Variants in DTNA observed in about 807,000 individuals in gnomAD.
DTNA encodes the protein dystrobrevin alpha.
A neutral mutation model predicts 100.7 loss-of-function variants in DTNA; 43 were observed. That is an observed-to-expected ratio of 0.43 (90% CI 0.33 to 0.55). The LOEUF is 0.55. Ranked by LOEUF, DTNA falls within the 20% of genes least tolerant of loss-of-function variation. The pLI is 0.04. For missense variants in DTNA, 798 were observed against 953.9 expected (o/e 0.84, Z 2.15); for synonymous variants, 349 against 347.9 (o/e 1.00, Z -0.04).
intron 1 of DTNA, among the ~76,000 whole-genome samples, chr18:34,510,917 C>T (rs909406154): frequency 2.0e-5 from 3 of 152,016 alleles, no homozygotes; most frequent in Non-Finnish European, 2.9e-5. Flanking sequence ...ATGCAGCTGA[C>T]GGTAACAACC....
At chr18:34,750,411 C>G (rs980703080) in intron 1 of DTNA, among the ~76,000 whole-genome samples, 24 of 152,162 alleles carry the variant, frequency 1.6e-4, no homozygotes, top group African/African-American at 5.1e-4. Flanking sequence ...AGAGCTGTGA[C>G]CCTTCTCCAT....
chr18:34,560,152 C>T (rs958360319), intron 1 of DTNA, among the ~76,000 whole-genome samples: 52 of 152,280 alleles, frequency 3.4e-4, no homozygotes, highest in African/African-American at 1.2e-3. Context: ...TTTCCCTAAT[C>T]ATCCTCTCTG....
chr18:34,640,083 G>C (rs2059108772), intron 1 of DTNA, among the ~76,000 whole-genome samples: 1 of 152,186 alleles, frequency 6.6e-6, no homozygotes, highest in Non-Finnish European at 1.5e-5. Flanking sequence ...AATTTCTCCT[G>C]ATCTAAGTTT....
At chr18:34,553,000 TA>T (rs1408621156) in intron 1 of DTNA, among the ~76,000 whole-genome samples, 7 of 150,682 alleles carry the variant, frequency 4.6e-5, no homozygotes, top group African/African-American at 1.5e-4. Context: ...ACCAACAGTG[TA>T]AAAGTGTTCC....
At chr18:34,579,414 T>C (rs1360536870) in intron 1 of DTNA, among the ~76,000 whole-genome samples, 1 of 152,210 alleles carries the variant, frequency 6.6e-6, no homozygotes, top group Non-Finnish European at 1.5e-5. Flanking sequence ...CAGTTCTCCT[T>C]GTAGATTCAG....
intron 3 of DTNA, among the ~76,000 whole-genome samples, chr18:34,778,110 C>G (rs893303747): frequency 2.6e-5 from 4 of 152,160 alleles, no homozygotes; most frequent in Non-Finnish European, 5.9e-5. Context: ...GATCTCGCAG[C>G]AGATTGAGGT....
intron 3 of DTNA, among the ~76,000 whole-genome samples, chr18:34,772,735 G>A (rs1482845433): frequency 6.6e-6 from 1 of 152,124 alleles, no homozygotes; most frequent in Non-Finnish European, 1.5e-5. Flanking sequence ...CATAAATTTA[G>A]CAGCTTAAAG....
At chr18:34,878,130 G>T (rs879471693) in intron 19 of DTNA, among the ~76,000 whole-genome samples, 1 of 151,928 alleles carries the variant, frequency 6.6e-6, no homozygotes, top group African/African-American at 2.4e-5. Flanking sequence ...ATGCCAGCAC[G>T]CCTGGCTAAT....
intron 5 of DTNA, among the ~76,000 whole-genome samples, chr18:34,808,397 C>A (rs1000585732): frequency 6.6e-6 from 1 of 152,194 alleles, no homozygotes. Context: ...AGCTCATCAC[C>A]TAGGTGGCGT....
chr18:34,845,389 C>G (rs144848530), intron 13 of DTNA, among the ~76,000 whole-genome samples: 8 of 151,856 alleles, frequency 5.3e-5, no homozygotes, highest in African/African-American at 1.9e-4. Context: ...AAAAATATAA[C>G]CTTCATATTA....
At position 34,889,613 on chromosome 18, in the gene DTNA, C is replaced by A. The variant is rs138455778; in HGVS notation, c.*1879C>A. 12 of 985,484 alleles carry A rather than the reference C, an allele frequency of 1.2e-5. No homozygotes were observed. The highest frequency in any genetic ancestry group is 1.3e-5 in the Non-Finnish European group (11 of 829,922). 61.0% of individuals were successfully genotyped at this position (985,484 alleles called of 1,614,324 possible). The stretch of plus-strand genomic sequence containing the variant: ...GCCCCCTCTGCAGAGGGCGGCTGTA[C>A]GATGTTCACATGTCTGCGTTTGGTC... On this transcript the variant is annotated 3_prime_UTR_variant, in exon 23 of 23. Transcript: ENST00000444659.
intron 1 of DTNA, among the ~76,000 whole-genome samples, chr18:34,501,747 G>A (rs955171539): frequency 5.9e-5 from 9 of 152,110 alleles, no homozygotes; most frequent in African/African-American, 2.2e-4. Flanking sequence ...ACAAGTCCAA[G>A]GTCATGGAGT....
intron 1 of DTNA, among the ~76,000 whole-genome samples, chr18:34,655,913 T>G (rs1568134809): frequency 6.6e-6 from 1 of 152,212 alleles, no homozygotes; most frequent in East Asian, 1.9e-4. Context: ...ATTTTACCTA[T>G]TCTCTAACTC....
intron 2 of DTNA, among the ~76,000 whole-genome samples, chr18:34,758,524 T>C (rs2092931751): frequency 6.6e-6 from 1 of 152,118 alleles, no homozygotes; most frequent in African/African-American, 2.4e-5. Flanking sequence ...AGGGAGGAGA[T>C]TGGTCAATGT....
intron 17 of DTNA, among the ~76,000 whole-genome samples, chr18:34,865,243 CCTTT>C (rs986310089): frequency 1.3e-5 from 2 of 152,034 alleles, no homozygotes; most frequent in African/African-American, 4.8e-5. Flanking sequence ...TTTTGTCTGT[CCTTT>C]CTTTCTCTCT....
intron 1 of DTNA, among the ~76,000 whole-genome samples, chr18:34,604,032 A>G (rs970625064): frequency 1.3e-5 from 2 of 152,208 alleles, no homozygotes; most frequent in Non-Finnish European, 2.9e-5. Context: ...CACGTTCCTA[A>G]ATATGTGTTA....
Position 34,868,785 on chromosome 18 carries a change from C to T in DTNA, c.1743+4723C>T, listed in dbSNP as rs1338052774. The T allele has an allele frequency of 9.1e-6, 9 of 984,060 alleles. 1 individual carries two copies. The South Asian group carries it at 3.8e-4, about 41-fold the overall frequency. 61.0% of individuals were successfully genotyped at this position (984,060 alleles called of 1,614,324 possible). On this transcript the variant is annotated intron_variant, in intron 17 of 22. Transcript: ENST00000444659. ...AATGTGATGATTATGATATCACAAG[C>T]AATAAATTTTTTTTTACAAAACTTG...
intron 21 of DTNA, among the ~76,000 whole-genome samples, chr18:34,883,255 A>T (rs2096890863): frequency 6.6e-6 from 1 of 151,652 alleles, no homozygotes; most frequent in African/African-American, 2.4e-5. Flanking sequence ...ATCCTGTCAG[A>T]CTTTCTGTCC....
At chr18:34,518,744 T>A (rs977565986) in intron 1 of DTNA, among the ~76,000 whole-genome samples, 11 of 141,972 alleles carry the variant, frequency 7.7e-5, no homozygotes, top group Admixed American at 4.2e-4. Context: ...TGTGTGTGTG[T>A]GAAGCTACTA....
Sources: gnomAD v4.1 joint callset for allele counts (sites outside exome capture counted in the v4.1 genomes callset) on GRCh38, gnomAD v4.1.1 for gene constraint, MANE v1.5 for transcripts, NCBI Gene and HGNC (gene_info 2026-07-23, HGNC 2026-07-21) for gene names.